The following TEX2 variants were observed in gnomAD, a reference collection of about 807,000 sequenced individuals.
The protein encoded by TEX2 is testis-expressed protein 2.
Under a neutral mutation model 106.9 loss-of-function variants are expected in TEX2, and 53 were observed. The observed-to-expected ratio is 0.50, with a 90% CI of 0.40 to 0.62. The LOEUF is 0.62. TEX2 is among the 20% of genes least tolerant of loss of function. TEX2 has a pLI of 0.00. For synonymous variants in TEX2, 523 were observed against 534.8 expected (o/e 0.98, Z 0.30); for missense variants, 1,207 against 1,379.0 (o/e 0.88, Z 1.98).
At chr17:64,235,105 A>G (rs1555634989) in intron 1 of TEX2, among the ~76,000 whole-genome samples, 1 of 152,220 alleles carries the variant, frequency 6.6e-6, no homozygotes, top group Non-Finnish European at 1.5e-5. Context: ...AACGTTTATG[A>G]CTGCCAGCCC....
intron 5 of TEX2, 91 bp downstream of exon 5, chr17:64,188,077 G>A: frequency 6.9e-7 from 1 of 1,446,384 alleles, no homozygotes; most frequent in Non-Finnish European, 9.4e-7. Context: ...TGTTATCCCA[G>A]TGCCCACAAC....
Position 64,207,085 on chromosome 17 carries a change from C to T in TEX2, c.1644+5489G>A, listed in dbSNP as rs892995112. Reference sequence around the variant, plus strand: ...CTGCAGTGAGGACCCTGATAAAGTACACAAAAACTTTCCTTTTCTCCATTC... The same window carrying T: ...CTGCAGTGAGGACCCTGATAAAGTATACAAAAACTTTCCTTTTCTCCATTC... On this transcript the variant is annotated intron_variant, in intron 2 of 11. Coordinates refer to ENST00000584379, the MANE Select transcript of TEX2 (RefSeq NM_001288732.2). Among the ~76,000 whole-genome samples, 3 of 152,170 alleles carry T rather than the reference C, an allele frequency of 2.0e-5. No homozygotes were observed. The East Asian group carries it at 5.8e-4, about 29-fold the overall frequency.
chr17:64,187,248 T>C (rs2032111611), intron 5 of TEX2, among the ~76,000 whole-genome samples: 1 of 152,184 alleles, frequency 6.6e-6, no homozygotes, highest in South Asian at 2.1e-4. Flanking sequence ...ATGGTAAATC[T>C]TCAAAAGCAC....
rs1203594317 is a variant in TEX2 at position 64,212,611 on chromosome 17, G to T, written c.1607C>A (p.Thr536Lys). ...KLHKNLRHWN[T>K]RSLDIKEPEI... ...AGGTTCTTTGATATCCAGAGATCTT[G>T]TGTTCCAGTGTCGCAGATTTTTGTG... Residue 536 changes from threonine to lysine, a missense_variant, in exon 2 of 12, where the codon ACA becomes AAA. Thr to Lys is a moderately conservative substitution (Grantham distance 78). Coordinates refer to ENST00000584379, the MANE Select transcript of TEX2 (RefSeq NM_001288732.2). The T allele has an allele frequency of 2.6e-5, 42 of 1,614,058 alleles. No individual in the cohort carries two copies. The highest frequency in any genetic ancestry group is 3.4e-5 in the Non-Finnish European group (40 of 1,180,026).
chr17:64,249,142 A>C (rs530467193), intron 1 of TEX2, among the ~76,000 whole-genome samples: 2 of 152,198 alleles, frequency 1.3e-5, no homozygotes. Flanking sequence ...TCTCATTCCA[A>C]CTTTAAATAC....
chr17:64,194,480 T>C (rs1306113639), intron 3 of TEX2, among the ~76,000 whole-genome samples: 1 of 152,234 alleles, frequency 6.6e-6, no homozygotes, highest in Non-Finnish European at 1.5e-5. Flanking sequence ...TTATTTTGCA[T>C]ATCTATCATT....
intron 1 of TEX2, among the ~76,000 whole-genome samples, chr17:64,249,831 T>C (rs573514885): frequency 7.9e-5 from 12 of 152,256 alleles, no homozygotes; most frequent in African/African-American, 2.9e-4. Context: ...ATGAGTTTGG[T>C]TTCTGGCTCA....
chr17:64,206,672 G>A (rs1555630802), intron 2 of TEX2, among the ~76,000 whole-genome samples: 3 of 145,194 alleles, frequency 2.1e-5, no homozygotes, highest in Non-Finnish European at 4.5e-5. Flanking sequence ...CAAGCAATTC[G>A]CCTGCCTCAG....
chr17:64,192,004 A>G (rs576655450), intron 4 of TEX2, among the ~76,000 whole-genome samples: 1 of 152,170 alleles, frequency 6.6e-6, no homozygotes. Context: ...TCCAATGTGC[A>G]TCTTATACTT....
intron 2 of TEX2, among the ~76,000 whole-genome samples, chr17:64,209,212 T>C (rs1017057309): frequency 1.3e-5 from 2 of 152,194 alleles, no homozygotes; most frequent in Non-Finnish European, 2.9e-5. Context: ...TAAAGTACCA[T>C]AGTTTAAAAA....
At chr17:64,191,840 A>G (rs80126959) in intron 4 of TEX2, among the ~76,000 whole-genome samples, 124 of 32,408 alleles carry the variant, frequency 3.8e-3, no homozygotes, top group Non-Finnish European at 8.4e-3. Flanking sequence ...AAAAAAAAAA[A>G]AAAGAAAGAA....
chr17:64,231,902 T>A (rs2033666511), intron 1 of TEX2, among the ~76,000 whole-genome samples: 1 of 152,188 alleles, frequency 6.6e-6, no homozygotes, highest in African/African-American at 2.4e-5. Context: ...ATAATCAGCA[T>A]CCACAGCAGG....
chr17:64,243,418 T>C (rs555160767), intron 1 of TEX2, among the ~76,000 whole-genome samples: 19 of 152,274 alleles, frequency 1.2e-4, no homozygotes, highest in Admixed American at 3.9e-4. Context: ...TAGACAAAAA[T>C]GTCTTCTTCA....
chr17:64,154,861 G>A lies in TEX2; in HGVS notation c.2911C>T (p.Leu971Phe), dbSNP rs1359764941. The change falls in exon 9 of 12, where the codon CTC (leucine) becomes TTC (phenylalanine). Residue 971 changes from leucine to phenylalanine, a missense_variant. By Grantham distance (22) the Leu-to-Phe change is conservative. Around this residue, in one of 3 missense-constraint regions of TEX2, gnomAD observed 1,067 missense variants for 1,193.6 expected, o/e 0.89. Transcript: ENST00000584379. ...APEPSGGDKQ[L>F]LPGAEGYVGG... is the part of the protein sequence containing the mutation. ...ACTCACCCTTCAGCCCCTGGGAGGA[G>A]CTGTTTGTCTCCCCCGCTGGGCTCT... is the stretch of plus-strand genomic sequence containing the variant. 1.2e-6 allele frequency: 2 copies of A among 1,607,124 alleles called. No homozygotes were observed. Among genetic ancestry groups the A allele is most frequent in the African/African-American group, 2.7e-5 (2 of 74,526 alleles).
At chr17:64,207,743 T>C (rs2032877342) in intron 2 of TEX2, among the ~76,000 whole-genome samples, 1 of 149,568 alleles carries the variant, frequency 6.7e-6, no homozygotes, top group Non-Finnish European at 1.5e-5. Flanking sequence ...TTTTTTTTCT[T>C]TTTTTTTTTT....
chr17:64,219,926 T>C (rs1414059689), intron 1 of TEX2, among the ~76,000 whole-genome samples: 7 of 152,168 alleles, frequency 4.6e-5, no homozygotes, highest in African/African-American at 9.7e-5. Flanking sequence ...TTTGCAGATA[T>C]GATTGAGATG....
At chr17:64,235,866 G>A (rs968730610) in intron 1 of TEX2, among the ~76,000 whole-genome samples, 4 of 152,084 alleles carry the variant, frequency 2.6e-5, no homozygotes, top group South Asian at 2.1e-4. Context: ...CTTTAGGGAA[G>A]TTGGTTACAT....
intron 1 of TEX2, among the ~76,000 whole-genome samples, chr17:64,229,741 A>G (rs2033612479): frequency 6.6e-6 from 1 of 152,194 alleles, no homozygotes; most frequent in South Asian, 2.1e-4. Flanking sequence ...AAACTGACTG[A>G]TATGGACAAT....
At chr17:64,183,185 C>T (rs368743022) in intron 5 of TEX2, among the ~76,000 whole-genome samples, 8 of 152,192 alleles carry the variant, frequency 5.3e-5, no homozygotes, top group Non-Finnish European at 1.2e-4. Context: ...GGCTTACAGG[C>T]GCAAGCCACT....
Sources: allele counts gnomAD v4.1 joint callset (sites outside exome capture counted in the v4.1 genomes callset), GRCh38; gene constraint gnomAD v4.1.1; regional missense constraint gnomAD v4.1.1; transcripts MANE v1.5; gene names NCBI Gene and HGNC (gene_info 2026-07-23, HGNC 2026-07-21).